Variants in PTPRA observed in about 807,000 individuals in gnomAD.
PTPRA encodes the protein protein tyrosine phosphatase receptor type A.
In PTPRA, 25 loss-of-function variants were observed where a neutral mutation model predicts 104.8. That is an observed-to-expected ratio of 0.24 (90% CI 0.17 to 0.33). PTPRA has a LOEUF of 0.33. Among genes scored for constraint, PTPRA ranks in the 10% least tolerant of loss-of-function variants. The probability of loss-of-function intolerance (pLI) is 1.00; values close to 1 mark genes in which losing one functional copy is unlikely to be tolerated. For synonymous variants in PTPRA, 323 were observed against 368.9 expected (o/e 0.88, Z 1.43); for missense variants, 765 against 1,015.3 (o/e 0.75, Z 3.35).
intron 1 of PTPRA, among the ~76,000 whole-genome samples, chr20:2,900,184 G>A (rs2059178300): frequency 6.6e-6 from 1 of 151,766 alleles, no homozygotes; most frequent in African/African-American, 2.4e-5. Context: ...TTTAGATGGG[G>A]TCTTGCCCTG....
At chr20:2,892,152 T>C (rs1241627018) in intron 1 of PTPRA, among the ~76,000 whole-genome samples, 1 of 151,858 alleles carries the variant, frequency 6.6e-6, no homozygotes, top group Non-Finnish European at 1.5e-5. Flanking sequence ...TAGCCAGGCA[T>C]GGTGGCAGGT....
intron 1 of PTPRA, among the ~76,000 whole-genome samples, chr20:2,892,202 A>G (rs1038104005): frequency 1.3e-5 from 2 of 150,912 alleles, no homozygotes; most frequent in African/African-American, 2.4e-5. Flanking sequence ...AGGCAGGACA[A>G]TTGCTTGAAC....
the PTPRA span, chr20:2,864,302 G>A: frequency 1.9e-6 from 3 of 1,613,958 alleles, no homozygotes; most frequent in Non-Finnish European, 2.5e-6. The surrounding 1 kb of genome is among the most constrained non-coding windows in gnomAD (Gnocchi z 5.2). Context: ...GGGCAAGGCT[G>A]GGGGGCCCCT....
At chr20:2,873,115 C>T (rs2089470207), upstream of PTPRA, among the ~76,000 whole-genome samples, 1 of 152,166 alleles carries the variant, frequency 6.6e-6, no homozygotes, top group African/African-American at 2.4e-5. This position sits in a 1 kb window ranked among gnomAD's most constrained non-coding sequence, Gnocchi z 4.4. Flanking sequence ...AGATGGCTCT[C>T]GAGTTGCAGG....
intron 10 of PTPRA, 72 bp from the exon 11 acceptor site, chr20:3,007,272 T>C: frequency 7.0e-7 from 1 of 1,436,818 alleles, no homozygotes; most frequent in Non-Finnish European, 9.8e-7. Context: ...ATGTCTCAAC[T>C]GTCCTGGTTG....
chr20:2,918,087 CAAAAAA>C (rs149539458), intron 1 of PTPRA, among the ~76,000 whole-genome samples: 1 of 94,308 alleles, frequency 1.1e-5, no homozygotes, highest in Non-Finnish European at 2.1e-5. Context: ...GACTCTGTCT[CAAAAAA>C]AAAAAAAAAA....
rs570302610 is a variant in PTPRA, at chr20:2,967,890, A to G, written c.415+2688A>G. ...AAGTTATTGCTACTCAATTCTTACC[A>G]TGCTCTCCAGAGCCTCTCAAAACAG... is the stretch of plus-strand genomic sequence containing the variant. On this transcript the variant is annotated intron_variant, in intron 5 of 23. Coordinates refer to ENST00000399903, the MANE Select transcript of PTPRA (RefSeq NM_001385305.1). Among the ~76,000 whole-genome samples, 28 of 152,304 alleles carry G rather than the reference A, an allele frequency of 1.8e-4. 1 individual carries two copies. In the South Asian group the frequency reaches 5.6e-3, roughly 30 times the overall value.
At chr20:2,866,773 C>G in the PTPRA span, 1 of 758,668 alleles carries the variant, frequency 1.3e-6, no homozygotes, top group Middle Eastern at 3.9e-4. Flanking sequence ...CAAAGGCAAG[C>G]TCAAGACAGG....
intron 3 of PTPRA, among the ~76,000 whole-genome samples, chr20:2,960,044 G>C (rs1345911860): frequency 6.6e-6 from 1 of 152,140 alleles, no homozygotes; most frequent in African/African-American, 2.4e-5. Context: ...CTACACCACT[G>C]TGGTACCTTT....
At chr20:3,025,910 G>T (rs1192244310) in intron 17 of PTPRA, among the ~76,000 whole-genome samples, 1 of 151,330 alleles carries the variant, frequency 6.6e-6, no homozygotes, top group African/African-American at 2.4e-5. Flanking sequence ...GATTCAGCAG[G>T]TATGAGTTAG....
intron 1 of PTPRA, among the ~76,000 whole-genome samples, chr20:2,912,430 C>T (rs1479770798): frequency 6.6e-6 from 1 of 151,924 alleles, no homozygotes; most frequent in Non-Finnish European, 1.5e-5. Context: ...TCAAGACCAG[C>T]CTGGGCAACG....
In PTPRA at chr20:2,909,169, A is replaced by T. The variant is rs74272848; in HGVS notation, c.-128-14038A>T. The stretch of plus-strand genomic sequence containing the variant: ...CACTGTGTCAGACTGTATAATGTAC[A>T]TTATTTAACCTTCAAAAGATTGAGA... On this transcript the variant is annotated intron_variant, in intron 1 of 23. Transcript: ENST00000399903. Among the ~76,000 whole-genome samples the T allele has an allele frequency of 2.5e-3, 380 of 152,326 alleles. 4 individuals are homozygous for T. In the East Asian group the frequency reaches 0.035, roughly 14 times the overall value.
chr20:2,877,760 C>A (rs1452877135), intron 1 of PTPRA, among the ~76,000 whole-genome samples: 1 of 152,184 alleles, frequency 6.6e-6, no homozygotes, highest in Non-Finnish European at 1.5e-5. Context: ...GTGTACAAGA[C>A]ATAATTTTTA....
chr20:2,876,453 A>G (rs1000638162), intron 1 of PTPRA, among the ~76,000 whole-genome samples: 1 of 152,028 alleles, frequency 6.6e-6, no homozygotes. Context: ...GGGACGTACC[A>G]CTCACACCTT....
At chr20:3,034,270 A>G (rs1479190480) in intron 20 of PTPRA, among the ~76,000 whole-genome samples, 1 of 151,444 alleles carries the variant, frequency 6.6e-6, no homozygotes, top group East Asian at 1.9e-4. Flanking sequence ...GACTCTCTCA[A>G]AAAAGAAAAA....
chr20:2,868,041 G>A, the PTPRA span, among the ~76,000 whole-genome samples: 1 of 152,174 alleles, frequency 6.6e-6, no homozygotes, highest in South Asian at 2.1e-4. Flanking sequence ...ATAGCTAGGG[G>A]CTGAAATCAT....
At chr20:2,912,780 A>G (rs981161661) in intron 1 of PTPRA, among the ~76,000 whole-genome samples, 4 of 152,226 alleles carry the variant, frequency 2.6e-5, no homozygotes, top group Admixed American at 6.5e-5. Flanking sequence ...AACATTTCCA[A>G]CATCACAAAA....
At chr20:2,869,006 G>T (rs2089397154), upstream of PTPRA, among the ~76,000 whole-genome samples, 1 of 152,156 alleles carries the variant, frequency 6.6e-6, no homozygotes, top group South Asian at 2.1e-4. Flanking sequence ...AATTGTCTAT[G>T]GGGAGAGTTG....
intron 9 of PTPRA, among the ~76,000 whole-genome samples, chr20:2,996,459 G>A (rs574973972): frequency 1.3e-5 from 2 of 152,294 alleles, no homozygotes; most frequent in South Asian, 2.1e-4. Flanking sequence ...CCATCAGATG[G>A]GGAAGGCCTT....
Sources: allele counts gnomAD v4.1 joint callset (sites outside exome capture counted in the v4.1 genomes callset), GRCh38; gene constraint gnomAD v4.1.1; non-coding constraint Gnocchi (gnomAD v3.1); transcripts MANE v1.5; gene names NCBI Gene and HGNC (gene_info 2026-07-23, HGNC 2026-07-21).